IFT80: variants seen among roughly 807,000 people sequenced by gnomAD.
IFT80 encodes intraflagellar transport protein 80 homolog.
A neutral mutation model predicts 107.9 loss-of-function variants in IFT80; 79 were observed. The ratio of observed to expected loss-of-function variants is 0.73; its 90% confidence interval spans 0.61 to 0.88. The LOEUF is 0.88. Among genes scored for constraint, IFT80 ranks in the 40% least tolerant of loss-of-function variants. The pLI, the probability that IFT80 is intolerant of heterozygous loss-of-function variation, is 0.00. For synonymous variants in IFT80, 299 were observed against 300.9 expected, an observed-to-expected ratio of 0.99 and a Z score of 0.07; for missense variants, 797 against 914.2, an observed-to-expected ratio of 0.87 and a Z score of 1.65.
At chr3:160,329,243 T>C (rs1460202899) in intron 8 of IFT80, among the ~76,000 whole-genome samples, 1 of 152,172 alleles carries the variant, frequency 6.6e-6, no homozygotes, top group African/African-American at 2.4e-5. Flanking sequence ...TTATCATGTG[T>C]GCTTTTAAAG....
chr3:160,338,489 G>A (rs1286851272), intron 8 of IFT80, among the ~76,000 whole-genome samples: 1 of 152,048 alleles, frequency 6.6e-6, no homozygotes, highest in Non-Finnish European at 1.5e-5. Flanking sequence ...AAAATTAGCT[G>A]GGCTTGGTGG....
chr3:160,397,932 G>A (rs1713950878), intron 1 of IFT80, among the ~76,000 whole-genome samples: 1 of 151,860 alleles, frequency 6.6e-6, no homozygotes, highest in African/African-American at 2.4e-5. Flanking sequence ...TGTTGGTCAG[G>A]CTGGTCTCGA....
In IFT80 at chr3:160,282,593, A is replaced by C. The variant is rs1714770364; in HGVS notation, c.1401T>G (p.Ala467=). 6.3e-7 allele frequency: 1 copy of C among 1,587,410 alleles called. No homozygotes were observed. The highest frequency in any genetic ancestry group is 8.6e-7 in the Non-Finnish European group (1 of 1,158,882). ...CATTGGTAAGTCCTTTTTGATCCAG[A>C]GCAATTTCCAAGATTTCATTCTAAA... ...LSHKNEILEI[A]LDQKGLTNDR... is the part of the protein sequence containing the mutation. The change falls in exon 14 of 20, where the codon GCT becomes GCG. Residue 467 remains alanine (A), a synonymous_variant. Transcript: ENST00000326448.
rs763923199 is a variant in IFT80, at chr3:160,355,964, TACC to T, written c.777+46_777+48del. 1.9e-6 allele frequency: 3 copies of T among 1,603,160 alleles called. No homozygotes were observed. The South Asian group carries it at 3.3e-5, about 18-fold the overall frequency. On this transcript the variant is annotated intron_variant, in intron 8 of 19. Transcript: ENST00000326448. ...ACTGAGAACCATGTGTGTTGTGCAT[TACC>T]ACATTTATGACAGCACATCTGTGAT...
intron 3 of IFT80, 123 bp downstream of exon 3, chr3:160,381,380 A>C: frequency 1.3e-6 from 1 of 760,678 alleles, no homozygotes; most frequent in Non-Finnish European, 2.3e-6. Context: ...AAAGAAATAC[A>C]ATATGTGGAT....
At chr3:160,369,554 T>A (rs1419724742) in intron 5 of IFT80, among the ~76,000 whole-genome samples, 2 of 151,922 alleles carry the variant, frequency 1.3e-5, no homozygotes. Flanking sequence ...AGTGGAAGAA[T>A]CAGCTTCATG....
chr3:160,285,966 C>T (rs1362171501), intron 12 of IFT80, 98 bp from the exon 13 acceptor site: 3 of 800,450 alleles, frequency 3.7e-6, no homozygotes, highest in Non-Finnish European at 6.2e-6. Context: ...AATTATTTAA[C>T]TCTCTAGACC....
At chr3:160,270,322 A>G (rs1023282489) in intron 18 of IFT80, among the ~76,000 whole-genome samples, 13 of 152,258 alleles carry the variant, frequency 8.5e-5, no homozygotes, top group African/African-American at 3.1e-4. Context: ...ACTATTGATC[A>G]AACTAAATAG....
At chr3:160,356,205 A>C (rs1003863844) in intron 7 of IFT80, 55 bp from the exon 8 acceptor site, 5 of 1,406,010 alleles carry the variant, frequency 3.6e-6, no homozygotes, top group Non-Finnish European at 4.9e-6. Context: ...GTTTGCAAAA[A>C]CTAAAAGAAA....
chr3:160,380,961 A>T (rs959792574), intron 3 of IFT80, among the ~76,000 whole-genome samples: 3 of 152,040 alleles, frequency 2.0e-5, no homozygotes, highest in Non-Finnish European at 2.9e-5. Context: ...CCAGCTGGGC[A>T]TGGTGGCTCA....
chr3:160,267,694 T>C (rs1713452132), intron 19 of IFT80, among the ~76,000 whole-genome samples: 1 of 152,204 alleles, frequency 6.6e-6, no homozygotes, highest in Admixed American at 6.5e-5. Flanking sequence ...TGGGTCTCCT[T>C]GTGGGCTGAT....
chr3:160,361,794 T>C (rs1721510655), intron 6 of IFT80, among the ~76,000 whole-genome samples: 1 of 152,024 alleles, frequency 6.6e-6, no homozygotes, highest in African/African-American at 2.4e-5. Context: ...CATAACGAAA[T>C]GAAGGCAGAA....
At chr3:160,295,031 T>C (rs1715863817) in intron 12 of IFT80, among the ~76,000 whole-genome samples, 1 of 152,220 alleles carries the variant, frequency 6.6e-6, no homozygotes, top group Admixed American at 6.5e-5. Flanking sequence ...GGGGCAGATA[T>C]TTCAAGATTA....
At chr3:160,365,989 T>G in intron 6 of IFT80, 54 bp downstream of exon 6, 1 of 1,344,714 alleles carries the variant, frequency 7.4e-7, no homozygotes, top group Non-Finnish European at 1.1e-6. Flanking sequence ...AAGTGCCCTC[T>G]AGTTTAGCAG....
intron 14 of IFT80, among the ~76,000 whole-genome samples, chr3:160,281,769 C>T (rs1459825340): frequency 6.6e-6 from 1 of 152,158 alleles, no homozygotes; most frequent in African/African-American, 2.4e-5. Context: ...CTTTAGTAAA[C>T]ACACTGTGCA....
In IFT80 at chr3:160,268,428, C is replaced by T. The variant is rs1286179190; in HGVS notation, c.2208G>A (p.Leu736=). 6.2e-7 allele frequency: 1 copy of T among 1,612,668 alleles called. No individual in the cohort carries two copies. The highest frequency in any genetic ancestry group is 8.5e-7 in the Non-Finnish European group (1 of 1,178,850). ...FGKQETNKRY[L]HYAEGLQIDW... is the part of the protein sequence containing the mutation. The stretch of plus-strand genomic sequence containing the variant: ...AAATACTTACACCTTCTGCATAATG[C>T]AAGTATCGTTTATTAGTTTCCTGTT... The change falls in exon 19 of 20, where the codon TTG becomes TTA. Residue 736 remains leucine (L), a synonymous_variant. Coordinates refer to ENST00000326448, the MANE Select transcript of IFT80 (RefSeq NM_020800.3).
intron 8 of IFT80, among the ~76,000 whole-genome samples, chr3:160,355,094 A>G (rs1720973485): frequency 6.6e-6 from 1 of 152,224 alleles, no homozygotes; most frequent in Non-Finnish European, 1.5e-5. Flanking sequence ...TTCAACGAAC[A>G]ATTCATTCAA....
At chr3:160,342,105 G>T (rs1181476846) in intron 8 of IFT80, among the ~76,000 whole-genome samples, 9 of 152,118 alleles carry the variant, frequency 5.9e-5, no homozygotes, top group Admixed American at 1.3e-4. Flanking sequence ...ATACTTATAA[G>T]AGGAAGCAAG....
chr3:160,260,486 C>T (rs903055460), intron 19 of IFT80, among the ~76,000 whole-genome samples: 3 of 152,170 alleles, frequency 2.0e-5, no homozygotes, highest in Admixed American at 2.0e-4. Flanking sequence ...TGAACAACTG[C>T]TGCTCTGTTG....
Sources: gnomAD v4.1 joint callset for allele counts (sites outside exome capture counted in the v4.1 genomes callset) on GRCh38, gnomAD v4.1.1 for gene constraint, MANE v1.5 for transcripts, NCBI Gene and HGNC (gene_info 2026-07-23, HGNC 2026-07-21) for gene names.